ARL8B: variants seen among roughly 807,000 people sequenced by gnomAD.
The protein encoded by ARL8B is ARF like GTPase 8B.
ARL8B carries 9 observed loss-of-function variants against 30.6 expected under a neutral mutation model. The observed-to-expected ratio is 0.29, with a 90% CI of 0.18 to 0.51. The LOEUF is 0.51. ARL8B is among the 20% of genes least tolerant of loss of function. The probability of loss-of-function intolerance (pLI) is 0.97; values close to 1 mark genes in which losing one functional copy is unlikely to be tolerated. For synonymous variants in ARL8B, 74 were observed against 76.0 expected, an observed-to-expected ratio of 0.97 and a Z score of 0.14; for missense variants, 130 against 227.2, an observed-to-expected ratio of 0.57 and a Z score of 2.75.
chr3:5,175,866 C>T lies in ARL8B; in HGVS notation c.511+1452C>T, dbSNP rs375468356. 3.3e-5 allele frequency among the ~76,000 whole-genome samples: 5 copies of T among 152,186 alleles called. No homozygotes were observed. The East Asian group carries it at 5.8e-4, about 18-fold the overall frequency. ...TCAGTGTATTATGTTTTCCTAAGGA[C>T]GCAAGTCACTGGATTAGGTAGGGCC... On this transcript the variant is annotated intron_variant, in intron 6 of 6. Coordinates refer to ENST00000256496, the MANE Select transcript of ARL8B (RefSeq NM_018184.3).
rs137895655 is a variant in ARL8B, at chr3:5,172,670, G to A, written c.302G>A (p.Arg101His). ...AIVYMIDAAD[R>H]EKIEASRNEL... ...AGTTACATGATAGATGCTGCAGATC[G>A]TGAAAAGATAGAAGCTTCCCGAAAT... Residue 101 changes from arginine to histidine, a missense_variant, in exon 4 of 7, where the codon CGT becomes CAT. Arg to His is a conservative substitution (Grantham distance 29, BLOSUM62 0). Coordinates refer to ENST00000256496, the MANE Select transcript of ARL8B (RefSeq NM_018184.3). 1.2e-6 allele frequency: 2 copies of A among 1,611,888 alleles called. No homozygotes were observed. Among genetic ancestry groups the A allele is most frequent in the Non-Finnish European group, 1.7e-6 (2 of 1,178,716 alleles).
Position 5,152,638 on chromosome 3 carries a change from G to A in ARL8B, c.124-17865G>A, listed in dbSNP as rs116395411. 8.8e-3 allele frequency among the ~76,000 whole-genome samples: 1,347 copies of A among 152,244 alleles called. 18 individuals are homozygous for A. Among genetic ancestry groups the A allele is most frequent in the African/African-American group, 0.03 (1,262 of 41,540 alleles). ...TAGCTTGGGACTAAGGGCGCGTGCC[G>A]CCACACCTAGCTAATTTTTAAATTT... On this transcript the variant is annotated intron_variant, in intron 1 of 6. Transcript: ENST00000256496.
At chr3:5,132,951 G>C (rs1170644195) in intron 1 of ARL8B, among the ~76,000 whole-genome samples, 1 of 152,136 alleles carries the variant, frequency 6.6e-6, no homozygotes, top group Non-Finnish European at 1.5e-5. Flanking sequence ...GTTGGACAGT[G>C]GCAGGAATGG....
intron 6 of ARL8B, among the ~76,000 whole-genome samples, chr3:5,174,682 TTATATATTA>T (rs2054710272): frequency 1.8e-5 from 1 of 55,880 alleles, no homozygotes; most frequent in South Asian, 4.4e-4. Context: ...GTAATATGTA[TTATATATTA>T]TATGTAATAT....
chr3:5,169,326 T>G (rs1053303886), intron 1 of ARL8B, among the ~76,000 whole-genome samples: 1 of 151,620 alleles, frequency 6.6e-6, no homozygotes, highest in Non-Finnish European at 1.5e-5. Context: ...TGTGTGTGTG[T>G]GTGTGTGTGT....
chr3:5,138,267 T>C (rs2054344642), intron 1 of ARL8B, among the ~76,000 whole-genome samples: 1 of 152,014 alleles, frequency 6.6e-6, no homozygotes, highest in South Asian at 2.1e-4. Context: ...ATGGAGTTTG[T>C]ATTTTGTTGT....
intron 6 of ARL8B, among the ~76,000 whole-genome samples, chr3:5,176,582 T>A (rs1323884906): frequency 6.6e-6 from 1 of 152,164 alleles, no homozygotes; most frequent in Non-Finnish European, 1.5e-5. Context: ...CTGGCTAATT[T>A]TGGGCTTCCT....
At chr3:5,142,802 C>T (rs1241980720) in intron 1 of ARL8B, among the ~76,000 whole-genome samples, 2 of 152,116 alleles carry the variant, frequency 1.3e-5, no homozygotes, top group African/African-American at 2.4e-5. Context: ...TGATGTCTGC[C>T]CCTCACGTAT....
At chr3:5,159,872 T>TGA (rs944651673) in intron 1 of ARL8B, among the ~76,000 whole-genome samples, 3 of 152,034 alleles carry the variant, frequency 2.0e-5, no homozygotes, top group African/African-American at 7.2e-5. Context: ...AAGAAGAAAA[T>TGA]AAACTTCTAA....
intron 1 of ARL8B, among the ~76,000 whole-genome samples, chr3:5,131,946 T>C (rs2054286950): frequency 1.3e-5 from 2 of 152,214 alleles, no homozygotes; most frequent in African/African-American, 4.8e-5. Flanking sequence ...TAAAGTGGCA[T>C]AATCATGGCT....
chr3:5,180,831 C>T lies in ARL8B; in HGVS notation c.*2118C>T, dbSNP rs1309028867. On this transcript the variant is annotated 3_prime_UTR_variant, in exon 7 of 7. Coordinates refer to ENST00000256496, the MANE Select transcript of ARL8B (RefSeq NM_018184.3). ...GTTTCCGAGAGGAGGGTCTATAGAC[C>T]ATTTGTCAGAAATCAGATCAGCCCT... 6.6e-6 allele frequency: 1 copy of T among 152,180 alleles called. No individual in the cohort carries two copies. The highest frequency in any genetic ancestry group is 1.5e-5 in the Non-Finnish European group (1 of 67,986). The allele number at this position is 152,180 out of a possible 1,614,324, so 9.4% of individuals were successfully genotyped here.
At chr3:5,141,419 G>A (rs997483148) in intron 1 of ARL8B, among the ~76,000 whole-genome samples, 1 of 152,132 alleles carries the variant, frequency 6.6e-6, no homozygotes, top group Non-Finnish European at 1.5e-5. Flanking sequence ...ATAGTAGCAG[G>A]TTATTTTGCT....
intron 2 of ARL8B, chr3:5,171,031 C>G (rs3856888): frequency 0.22 from 33,105 of 152,382 alleles, 4,168 homozygotes; most frequent in African/African-American, 0.33. Context: ...CACGCCTGGC[C>G]AAGAATAGAT....
rs1182379203 is a variant in ARL8B at position 5,174,100 on chromosome 3, G to A, written c.440+16G>A. On this transcript the variant is annotated intron_variant, in intron 5 of 6. Transcript: ENST00000256496. Reference sequence around the variant, plus strand: ...TTGAAAAAATGTATGTCTTGAATATGCTATTTTAATAATTTGCTTCTAAAT... The same window carrying A: ...TTGAAAAAATGTATGTCTTGAATATACTATTTTAATAATTTGCTTCTAAAT... 2.5e-6 allele frequency: 4 copies of A among 1,585,922 alleles called. No individual in the cohort carries two copies. In the African/African-American group the frequency reaches 5.4e-5, roughly 21 times the overall value.
intron 1 of ARL8B, among the ~76,000 whole-genome samples, chr3:5,146,763 TA>T (rs1232975558): frequency 6.6e-6 from 1 of 152,214 alleles, no homozygotes; most frequent in Non-Finnish European, 1.5e-5. Flanking sequence ...GGTCCCAATC[TA>T]ATTAACATTT....
At chr3:5,126,059 G>T (rs1055929381) in intron 1 of ARL8B, among the ~76,000 whole-genome samples, 10 of 151,254 alleles carry the variant, frequency 6.6e-5, no homozygotes, top group Non-Finnish European at 1.3e-4. Flanking sequence ...AGACATCTGG[G>T]CTGTAATTGG....
chr3:5,167,073 A>G (rs1347243521), intron 1 of ARL8B, among the ~76,000 whole-genome samples: 2 of 152,224 alleles, frequency 1.3e-5, no homozygotes, highest in Non-Finnish European at 2.9e-5. Flanking sequence ...AGTAAGTAGC[A>G]TAATTGTTAA....
intron 1 of ARL8B, among the ~76,000 whole-genome samples, chr3:5,169,098 A>G (rs2054647951): frequency 6.6e-6 from 1 of 152,200 alleles, no homozygotes; most frequent in East Asian, 1.9e-4. Flanking sequence ...GGTAAAATAC[A>G]TAAAACACAA....
At chr3:5,164,448 A>C (rs1189748888) in intron 1 of ARL8B, among the ~76,000 whole-genome samples, 1 of 152,206 alleles carries the variant, frequency 6.6e-6, no homozygotes, top group Admixed American at 6.5e-5. Flanking sequence ...AATTTATAGA[A>C]AAGTTGCAGA....
Sources: gnomAD v4.1 joint callset for allele counts (sites outside exome capture counted in the v4.1 genomes callset) on GRCh38, gnomAD v4.1.1 for gene constraint, MANE v1.5 for transcripts, NCBI Gene and HGNC (gene_info 2026-07-23, HGNC 2026-07-21) for gene names.